EXT1: variants seen among roughly 807,000 people sequenced by gnomAD.
EXT1 encodes exostosin-1.
In EXT1, 20 loss-of-function variants were observed where a neutral mutation model predicts 82.5. The observed-to-expected ratio is 0.24, with a 90% CI of 0.17 to 0.35. The LOEUF (loss-of-function observed/expected upper bound fraction) is 0.35, where lower values mean the gene tolerates loss of function less well. Ranked by LOEUF, EXT1 falls within the 10% of genes least tolerant of loss-of-function variation. The pLI is 1.00. For missense variants in EXT1, 757 were observed against 936.5 expected (o/e 0.81, Z 2.50); for synonymous variants, 348 against 350.8 (o/e 0.99, Z 0.09).
At chr8:117,870,938 A>G (rs1003548554) in intron 1 of EXT1, among the ~76,000 whole-genome samples, 1 of 152,176 alleles carries the variant, frequency 6.6e-6, no homozygotes, top group South Asian at 2.1e-4. Flanking sequence ...GGGAATACCA[A>G]CTGAGTTTCT....
chr8:117,889,283 A>C (rs1474290935), intron 1 of EXT1, among the ~76,000 whole-genome samples: 1 of 152,130 alleles, frequency 6.6e-6, no homozygotes, highest in Admixed American at 6.5e-5. Context: ...TTGAGCCACT[A>C]TTTCCTTGAG....
rs530600505 is a variant in EXT1, at chr8:117,797,999, G to C, written c.*1713C>G. 6.6e-6 allele frequency: 1 copy of C among 152,338 alleles called. No homozygotes were observed. Among genetic ancestry groups the C allele is most frequent in the South Asian group, 2.1e-4 (1 of 4,822 alleles). 9.4% of individuals were successfully genotyped at this position (152,338 alleles called of 1,614,324 possible). ...GTTCTGCAGCTAGGTAGCCTGTTGA[G>C]TCACTTCTCTGGACTTCCACAAACA... On this transcript the variant is annotated 3_prime_UTR_variant, in exon 11 of 11. Transcript: ENST00000378204.
intron 1 of EXT1, among the ~76,000 whole-genome samples, chr8:117,971,083 A>G (rs1028017174): frequency 2.6e-5 from 4 of 152,090 alleles, no homozygotes; most frequent in African/African-American, 9.7e-5. Flanking sequence ...GCACGAGGAC[A>G]CCAGGTGTGC....
chr8:117,837,300 C>T lies in EXT1; in HGVS notation c.963-99G>A, dbSNP rs17503488. Reference sequence around the variant, plus strand: ...CCCATGTGCATGAATTTACGCAAAGCAACTCGGGAAAGCCACCAGCAGGCA... The same window carrying T: ...CCCATGTGCATGAATTTACGCAAAGTAACTCGGGAAAGCCACCAGCAGGCA... On this transcript the variant is annotated intron_variant, in intron 1 of 10. Coordinates refer to ENST00000378204, the MANE Select transcript of EXT1 (RefSeq NM_000127.3). 843 of 988,612 alleles carry T rather than the reference C, an allele frequency of 8.5e-4. 5 individuals are homozygous for T. The African/African-American group carries it at 0.011, about 13-fold the overall frequency. The allele number at this position is 988,612 out of a possible 1,614,324, so 61.2% of individuals were successfully genotyped here. A position where few individuals can be genotyped will look rare whatever the true frequency, so the allele number is the denominator to read the frequency against.
intron 7 of EXT1, among the ~76,000 whole-genome samples, chr8:117,816,881 T>C (rs1811831002): frequency 6.6e-6 from 1 of 152,168 alleles, no homozygotes; most frequent in South Asian, 2.1e-4. Flanking sequence ...CATGGAAGCA[T>C]ACAAAACAAA....
chr8:117,822,607 A>G lies in EXT1; in HGVS notation c.1285-10T>C. ...TTCTGTCCTGAATAATCTAGAAAAT[A>G]AAACATAGCACACAGTGAGGATGAG... is the stretch of plus-strand genomic sequence containing the variant. On this transcript the variant is annotated splice_polypyrimidine_tract_variant and intron_variant, in intron 4 of 10. Coordinates refer to ENST00000378204, the MANE Select transcript of EXT1 (RefSeq NM_000127.3). The G allele has an allele frequency of 6.2e-7, 1 of 1,611,818 alleles. No individual in the cohort carries two copies. Among genetic ancestry groups the G allele is most frequent in the Non-Finnish European group, 8.5e-7 (1 of 1,179,486 alleles).
intron 1 of EXT1, among the ~76,000 whole-genome samples, chr8:117,870,849 A>ACACACACACACACAC (rs1563586218): frequency 6.6e-6 from 1 of 151,690 alleles, no homozygotes; most frequent in African/African-American, 2.4e-5. Flanking sequence ...ACACACACAC[A>ACACACACACACACAC]AAAGATTGAA....
chr8:118,101,171 G>A (rs1044700512), intron 1 of EXT1, among the ~76,000 whole-genome samples: 1 of 152,008 alleles, frequency 6.6e-6, no homozygotes, highest in African/African-American at 2.4e-5. Context: ...CCTTCTTAAC[G>A]ACCCTATGAG....
intron 1 of EXT1, among the ~76,000 whole-genome samples, chr8:118,082,832 T>A (rs979072691): frequency 6.6e-6 from 1 of 152,232 alleles, no homozygotes; most frequent in Non-Finnish European, 1.5e-5. Context: ...TCTTCTGGAC[T>A]TCATTTTAAT....
intron 1 of EXT1, among the ~76,000 whole-genome samples, chr8:117,990,522 A>G (rs1013161922): frequency 6.6e-6 from 1 of 152,184 alleles, no homozygotes; most frequent in Non-Finnish European, 1.5e-5. Flanking sequence ...TGACAGCAAA[A>G]TGCTCAGGAA....
chr8:117,921,276 G>A (rs535426248), intron 1 of EXT1, among the ~76,000 whole-genome samples: 1 of 152,052 alleles, frequency 6.6e-6, no homozygotes, highest in Admixed American at 6.5e-5. Flanking sequence ...TTTTATCTGG[G>A]GATCCTCAAG....
chr8:117,851,630 C>CACAG (rs1380973792), intron 1 of EXT1, among the ~76,000 whole-genome samples: 1 of 151,654 alleles, frequency 6.6e-6, no homozygotes, highest in African/African-American at 2.4e-5. Context: ...CACACACACA[C>CACAG]ACACACACAC....
intron 1 of EXT1, among the ~76,000 whole-genome samples, chr8:117,893,916 T>C (rs138584758): frequency 1.3e-5 from 2 of 152,280 alleles, no homozygotes; most frequent in Non-Finnish European, 2.9e-5. Context: ...ACCAAATTCA[T>C]CATCTCTCAC....
intron 1 of EXT1, among the ~76,000 whole-genome samples, chr8:117,945,834 A>G (rs538296379): frequency 2.6e-5 from 4 of 152,292 alleles, no homozygotes; most frequent in African/African-American, 7.2e-5. Flanking sequence ...AGACTTGCCC[A>G]TGAAATTCTA....
At chr8:117,910,837 T>C (rs529934644) in intron 1 of EXT1, among the ~76,000 whole-genome samples, 5 of 152,314 alleles carry the variant, frequency 3.3e-5, no homozygotes, top group East Asian at 1.9e-4. Flanking sequence ...AGAAACAATA[T>C]AGTCAACTAA....
intron 1 of EXT1, among the ~76,000 whole-genome samples, chr8:117,965,131 TTTTG>T (rs1202184832): frequency 2.6e-5 from 4 of 152,296 alleles, no homozygotes; most frequent in Admixed American, 6.5e-5. Context: ...TGTCTTGTTT[TTTTG>T]TTTGTTTTTT....
At chr8:117,919,214 G>A (rs1261476674) in intron 1 of EXT1, among the ~76,000 whole-genome samples, 1 of 151,716 alleles carries the variant, frequency 6.6e-6, no homozygotes, top group Non-Finnish European at 1.5e-5. Flanking sequence ...TGGAGACAAG[G>A]TGTCATTTTG....
At chr8:118,016,082 T>C (rs893947972) in intron 1 of EXT1, among the ~76,000 whole-genome samples, 2 of 152,196 alleles carry the variant, frequency 1.3e-5, no homozygotes, top group Admixed American at 6.5e-5. Context: ...TGTGAGAGAA[T>C]AGATTTTTGT....
At position 117,854,949 on chromosome 8, in the gene EXT1, T is replaced by C. The variant is rs1000562069; in HGVS notation, c.963-17748A>G. Reference sequence around the variant, plus strand: ...GTATAAATGAAATCTTTCAAAGCAATGAGCACTGAAAAGATTTTGGTGCCC... The same window carrying C: ...GTATAAATGAAATCTTTCAAAGCAACGAGCACTGAAAAGATTTTGGTGCCC... On this transcript the variant is annotated intron_variant, in intron 1 of 10. Transcript: ENST00000378204. Among the ~76,000 whole-genome samples the C allele has an allele frequency of 6.6e-5, 10 of 152,194 alleles. No homozygotes were observed. In the East Asian group the frequency reaches 1.7e-3, roughly 26 times the overall value.
Sources: gnomAD v4.1 joint callset for allele counts (sites outside exome capture counted in the v4.1 genomes callset) on GRCh38, gnomAD v4.1.1 for gene constraint, MANE v1.5 for transcripts, NCBI Gene and HGNC (gene_info 2026-07-23, HGNC 2026-07-21) for gene names.